Variants in IPO13 observed in about 807,000 individuals in gnomAD.
The protein encoded by IPO13 is importin 13.
In IPO13, 28 loss-of-function variants were observed where a neutral mutation model predicts 115.5. The ratio of observed to expected loss-of-function variants is 0.24; its 90% confidence interval spans 0.18 to 0.33. The LOEUF (loss-of-function observed/expected upper bound fraction) is 0.33. Among genes scored for constraint, IPO13 ranks in the 10% least tolerant of loss-of-function variants. The pLI, the probability that IPO13 is intolerant of heterozygous loss-of-function variation, is 1.00. For missense variants in IPO13, 785 were observed against 1,204.6 expected (o/e 0.65, Z 5.16); for synonymous variants, 414 against 478.9 (o/e 0.86, Z 1.77).
Position 43,966,798 on chromosome 1 carries a change from A to AACCCTG in IPO13, c.2523+21_2523+26dup. On this transcript the variant is annotated intron_variant, in intron 17 of 19. Coordinates refer to ENST00000372343, the MANE Select transcript of IPO13 (RefSeq NM_014652.4). The surrounding 1 kb of genome is among the most constrained non-coding windows in gnomAD (Gnocchi z 4.1). ...TGGCTTCTTTGTGAGTCCCATGCTGAACCCTGACCCACTGCCACCCCAGTG... is the reference window on the plus strand; with the variant it reads ...TGGCTTCTTTGTGAGTCCCATGCTGAACCCTGACCCTGACCCACTGCCACCCCAGTG... 6.2e-7 allele frequency: 1 copy of AACCCTG among 1,613,966 alleles called. No homozygotes were observed. Among genetic ancestry groups the AACCCTG allele is most frequent in the Non-Finnish European group, 8.5e-7 (1 of 1,179,934 alleles).
chr1:43,960,133 T>G, intron 11 of IPO13, 116 bp from the exon 12 acceptor site: 2 of 875,336 alleles, frequency 2.3e-6, no homozygotes, highest in Non-Finnish European at 3.8e-6. Context: ...GGGTCCTCAA[T>G]GTGTGTTCTG....
At position 43,958,949 on chromosome 1, in the gene IPO13, T is replaced by C. The variant is rs991016765; in HGVS notation, c.2028+60T>C. ...CTTTGCCATCCCCCCAACCCCCACC[T>C]GTGGGAATGTCATTGTCACTCTTCA... On this transcript the variant is annotated intron_variant, in intron 11 of 19. Coordinates refer to ENST00000372343, the MANE Select transcript of IPO13 (RefSeq NM_014652.4). The surrounding 1 kb of genome is among the most constrained non-coding windows in gnomAD (Gnocchi z 6.3). The C allele has an allele frequency of 5.2e-5, 77 of 1,475,662 alleles. No homozygotes were observed. In the East Asian group the frequency reaches 1.7e-3, roughly 33 times the overall value. 91.4% of individuals were successfully genotyped at this position (1,475,662 alleles called of 1,614,324 possible). A position where few individuals can be genotyped will look rare whatever the true frequency, so the allele number is the denominator to read the frequency against.
intron 13 of IPO13, 73 bp downstream of exon 13, chr1:43,961,086 C>T: frequency 3.7e-6 from 6 of 1,607,938 alleles, no homozygotes; most frequent in Non-Finnish European, 5.1e-6. Context: ...TGGCTGGGGT[C>T]CCCACTTGCA....
chr1:43,966,636 A>G lies in IPO13; in HGVS notation c.2459A>G (p.Gln820Arg). The G allele has an allele frequency of 6.2e-7, 1 of 1,614,164 alleles. No individual in the cohort carries two copies. The highest frequency in any genetic ancestry group is 1.3e-5 in the African/African-American group (1 of 75,032). The part of the protein sequence containing the change: ...CERLDVKAVF[Q>R]CAVLALKFPE... ...CGATTGGATGTCAAAGCTGTGTTCC[A>G]GTGTGGTAAGTGGGGCGAGATGGAC... The change falls in exon 16 of 20, where the codon CAG becomes CGG. Residue 820 changes from glutamine (Q) to arginine (R), a missense_variant. Gln to Arg is a conservative substitution (Grantham distance 43). Coordinates refer to ENST00000372343, the MANE Select transcript of IPO13 (RefSeq NM_014652.4). This position sits in a 1 kb window ranked among gnomAD's most constrained non-coding sequence, Gnocchi z 4.1.
At chr1:43,963,284 C>T (rs1406086974) in intron 14 of IPO13, among the ~76,000 whole-genome samples, 2 of 152,192 alleles carry the variant, frequency 1.3e-5, no homozygotes, top group African/African-American at 4.8e-5. Flanking sequence ...GCTCCAGGTG[C>T]ATGCCATATT....
Position 43,949,927 on chromosome 1 carries a change from G to A in IPO13, c.595G>A (p.Gly199Arg), listed in dbSNP as rs770615424. 5 of 1,609,748 alleles carry A rather than the reference G, an allele frequency of 3.1e-6. No individual in the cohort carries two copies. Among genetic ancestry groups the A allele is most frequent in the Non-Finnish European group, 4.2e-6 (5 of 1,179,570 alleles). ...GCGGACCAGCCTGGCGGTGGAATGT[G>A]GGGCTGTCTTCCCGCTGCTGGAGCA... ...LVRTSLAVECGAVFPLLEQLL... is the reference protein window; with the variant it reads ...LVRTSLAVECRAVFPLLEQLL... Residue 199 changes from glycine to arginine, a missense_variant, in exon 2 of 20, where the codon GGG becomes AGG. By Grantham distance (125) the Gly-to-Arg change is moderately radical. Transcript: ENST00000372343.
In IPO13 at chr1:43,966,310, T is replaced by G; in HGVS notation, c.2398-265T>G. 4 of 559,608 alleles carry G rather than the reference T, an allele frequency of 7.1e-6. No individual in the cohort carries two copies. Among genetic ancestry groups the G allele is most frequent in the Non-Finnish European group, 1.3e-5 (4 of 311,186 alleles). The allele number at this position is 559,608 out of a possible 1,614,324, so 34.7% of individuals were successfully genotyped here. A position where few individuals can be genotyped will look rare whatever the true frequency, so the allele number is the denominator to read the frequency against. On this transcript the variant is annotated intron_variant, in intron 15 of 19. Coordinates refer to ENST00000372343, the MANE Select transcript of IPO13 (RefSeq NM_014652.4). This position sits in a 1 kb window ranked among gnomAD's most constrained non-coding sequence, Gnocchi z 4.1. The stretch of plus-strand genomic sequence containing the variant: ...GGGAAAGGTGTCTGGAACCCAAACT[T>G]TCTGCATTATGATCCCCACCCCCAA...
rs199799843 is a variant in IPO13, at chr1:43,960,928, C to T, written c.2162C>T (p.Ala721Val). Residue 721 changes from alanine to valine, a missense_variant, in exon 13 of 20, where the codon GCC becomes GTC. Ala to Val is a moderately conservative substitution (Grantham distance 64). Coordinates refer to ENST00000372343, the MANE Select transcript of IPO13 (RefSeq NM_014652.4). Reference protein sequence around the residue: ...KSVKTLLDDFAPMVPQLCEML... With the variant: ...KSVKTLLDDFVPMVPQLCEML... ...GTTAAGACGCTGCTGGATGACTTTG[C>T]CCCCATGGTGCCACAGCTGTGTGAG... 2 of 1,614,198 alleles carry T rather than the reference C, an allele frequency of 1.2e-6. No homozygotes were observed. The highest frequency in any genetic ancestry group is 2.2e-5 in the East Asian group (1 of 44,878).
At chr1:43,957,051 C>T (rs955795642) in intron 5 of IPO13, 75 bp downstream of exon 5, 1 of 1,572,212 alleles carries the variant, frequency 6.4e-7, no homozygotes, top group Non-Finnish European at 8.6e-7. Flanking sequence ...GGCCCAAGTC[C>T]AGGCTTTCTG....
chr1:43,956,485 G>A lies in IPO13; in HGVS notation c.962+25G>A, dbSNP rs755757995. 2 of 1,613,994 alleles carry A rather than the reference G, an allele frequency of 1.2e-6. No individual in the cohort carries two copies. The highest frequency in any genetic ancestry group is 2.2e-5 in the East Asian group (1 of 44,894). On this transcript the variant is annotated intron_variant, in intron 3 of 19. Coordinates refer to ENST00000372343, the MANE Select transcript of IPO13 (RefSeq NM_014652.4). The surrounding 1 kb of genome is among the most constrained non-coding windows in gnomAD (Gnocchi z 4.7). The stretch of plus-strand genomic sequence containing the variant: ...GGTAAAGGGTGGAGCAGCTTGGGGT[G>A]GGATAGTAGGGCCCTCTAAGAAATG...
At position 43,957,552 on chromosome 1, in the gene IPO13, G is replaced by A; in HGVS notation, c.1540+3G>A. ...AGACACTGTCATGTTCACCATTGGT[G>A]AGACCTGGCACACACCCATGACCAT... is the stretch of plus-strand genomic sequence containing the variant. On this transcript the variant is annotated splice_donor_region_variant and intron_variant, in intron 7 of 19. Transcript: ENST00000372343. 1 of 1,614,116 alleles carries A rather than the reference G, an allele frequency of 6.2e-7. No individual in the cohort carries two copies. The highest frequency in any genetic ancestry group is 8.5e-7 in the Non-Finnish European group (1 of 1,179,982).
rs1222681318 is a variant in IPO13, at chr1:43,947,519, G to A, written c.-82G>A. The stretch of plus-strand genomic sequence containing the variant: ...CACCACTCCCTGGGCACCCAAGCCG[G>A]GGTCTAGCAGGGGGCCAGCAGCCAA... On this transcript the variant is annotated 5_prime_UTR_variant, in exon 1 of 20. Coordinates refer to ENST00000372343, the MANE Select transcript of IPO13 (RefSeq NM_014652.4). 2.2e-5 allele frequency: 18 copies of A among 808,838 alleles called. No individual in the cohort carries two copies. In the South Asian group the frequency reaches 7.5e-4, roughly 34 times the overall value. The allele number at this position is 808,838 out of a possible 1,614,324, so 50.1% of individuals were successfully genotyped here.
chr1:43,967,127 G>A lies in IPO13; in HGVS notation c.2613+108G>A, dbSNP rs890152447. 6 of 1,188,554 alleles carry A rather than the reference G, an allele frequency of 5.0e-6. No homozygotes were observed. Among genetic ancestry groups the A allele is most frequent in the Admixed American group, 1.9e-5 (1 of 52,780 alleles). 73.6% of individuals were successfully genotyped at this position (1,188,554 alleles called of 1,614,324 possible). On this transcript the variant is annotated intron_variant, in intron 18 of 19. Coordinates refer to ENST00000372343, the MANE Select transcript of IPO13 (RefSeq NM_014652.4). The surrounding 1 kb of genome is among the most constrained non-coding windows in gnomAD (Gnocchi z 6.1). ...TTGGTCCCCTAAGCTCTCAGATTCT[G>A]TTTCTTCTTCAATTAAATGCCTGAA... is the stretch of plus-strand genomic sequence containing the variant.
Position 43,958,892 on chromosome 1 carries a change from G to C in IPO13, c.2028+3G>C, listed in dbSNP as rs1557633411. ...CAGTGCCACAGGGACCCAACCCCGT[G>C]GGTGACATTTGCCCACGGCAAAGAC... is the stretch of plus-strand genomic sequence containing the variant. On this transcript the variant is annotated splice_donor_region_variant and intron_variant, in intron 11 of 19. Coordinates refer to ENST00000372343, the MANE Select transcript of IPO13 (RefSeq NM_014652.4). This position sits in a 1 kb window ranked among gnomAD's most constrained non-coding sequence, Gnocchi z 6.3. The C allele has an allele frequency of 6.2e-7, 1 of 1,613,570 alleles. No homozygotes were observed. The highest frequency in any genetic ancestry group is 8.5e-7 in the Non-Finnish European group (1 of 1,179,634).
At chr1:43,964,557 G>A (rs540062109) in intron 15 of IPO13, among the ~76,000 whole-genome samples, 4 of 152,298 alleles carry the variant, frequency 2.6e-5, no homozygotes, top group African/African-American at 7.2e-5. Flanking sequence ...GATCCCAAAC[G>A]GAGGGAGCTG....
chr1:43,948,604 G>T (rs950861326), intron 1 of IPO13, among the ~76,000 whole-genome samples: 14 of 152,330 alleles, frequency 9.2e-5, no homozygotes, highest in African/African-American at 3.1e-4. Context: ...CTTGGATGGA[G>T]CCTGCTTAGG....
chr1:43,964,949 G>C (rs930677212), intron 15 of IPO13, among the ~76,000 whole-genome samples: 1 of 152,216 alleles, frequency 6.6e-6, no homozygotes, highest in African/African-American at 2.4e-5. Flanking sequence ...GAAATCACCT[G>C]TAAGTAGTAT....
In IPO13 at chr1:43,952,233, A is replaced by G. The variant is rs1203322673; in HGVS notation, c.821+2080A>G. ...CACCCAGGCTGGTGTGCAGTGGCAC[A>G]ATCTCGGCTCACTGCAACCTCCGCC... On this transcript the variant is annotated intron_variant, in intron 2 of 19. Transcript: ENST00000372343. The surrounding 1 kb of genome is among the most constrained non-coding windows in gnomAD (Gnocchi z 4.7). Among the ~76,000 whole-genome samples, 4 of 152,204 alleles carry G rather than the reference A, an allele frequency of 2.6e-5. No individual in the cohort carries two copies. Among genetic ancestry groups the G allele is most frequent in the Non-Finnish European group, 5.9e-5 (4 of 68,036 alleles).
rs2085170447 is a variant in IPO13 at position 43,946,991 on chromosome 1, C to A, written c.-610C>A. On this transcript the variant is annotated 5_prime_UTR_variant, in exon 1 of 20. Transcript: ENST00000372343. ...ACTGGGGCGGAGGCAGCGGCTGTAG[C>A]GGGGCTGTAGCCGGGCGTTGAGCAC... 1.0e-5 allele frequency: 4 copies of A among 398,670 alleles called. No individual in the cohort carries two copies. Among genetic ancestry groups the A allele is most frequent in the Non-Finnish European group, 1.8e-5 (4 of 226,130 alleles). 24.7% of individuals were successfully genotyped at this position (398,670 alleles called of 1,614,324 possible).
Sources: gnomAD v4.1 joint callset for allele counts (sites outside exome capture counted in the v4.1 genomes callset) on GRCh38, gnomAD v4.1.1 for gene constraint, Gnocchi (gnomAD v3.1) non-coding constraint, MANE v1.5 for transcripts, NCBI Gene and HGNC (gene_info 2026-07-23, HGNC 2026-07-21) for gene names.